MLLT3: variants seen among roughly 807,000 people sequenced by gnomAD.
The protein encoded by MLLT3 is MLLT3 super elongation complex subunit.
In MLLT3, 4 loss-of-function variants were observed where a neutral mutation model predicts 53.2. The observed-to-expected ratio is 0.08, with a 90% confidence interval of 0.04 to 0.17. MLLT3 has a LOEUF of 0.17. MLLT3 is among the 10% of genes least tolerant of loss of function. The probability of loss-of-function intolerance (pLI) is 1.00; values close to 1 mark genes in which losing one functional copy is unlikely to be tolerated. For missense variants in MLLT3, 569 were observed against 684.0 expected, an observed-to-expected ratio of 0.83 and a Z score of 1.87; for synonymous variants, 283 against 230.6, an observed-to-expected ratio of 1.23 and a Z score of -2.06.
intron 2 of MLLT3, among the ~76,000 whole-genome samples, chr9:20,534,808 C>T (rs1412173169): frequency 6.6e-6 from 1 of 152,054 alleles, no homozygotes; most frequent in Non-Finnish European, 1.5e-5. Context: ...ATGGCATGAA[C>T]CCAGGAGGCA....
chr9:20,368,323 A>G (rs1821508052), intron 5 of MLLT3, among the ~76,000 whole-genome samples: 2 of 152,146 alleles, frequency 1.3e-5, no homozygotes, highest in South Asian at 4.1e-4. Context: ...TTCCTCTCCA[A>G]GTTGCTCTTT....
At chr9:20,595,694 A>G (rs2131191306) in intron 2 of MLLT3, among the ~76,000 whole-genome samples, 1 of 152,358 alleles carries the variant, frequency 6.6e-6, no homozygotes, top group East Asian at 1.9e-4. Context: ...ATTGTAGCAC[A>G]TGACGTTTGA....
chr9:20,383,686 C>A (rs1206194029), intron 5 of MLLT3, among the ~76,000 whole-genome samples: 1 of 151,808 alleles, frequency 6.6e-6, no homozygotes, highest in African/African-American at 2.4e-5. Flanking sequence ...TGTCTGAGTC[C>A]ATTTGGCTTG....
chr9:20,375,610 C>CTT lies in MLLT3; in HGVS notation c.1126-9868_1126-9867dup, dbSNP rs1307638910. Among the ~76,000 whole-genome samples the CTT allele has an allele frequency of 5.5e-4, 52 of 94,828 alleles. 1 individual carries two copies. Among genetic ancestry groups the CTT allele is most frequent in the Non-Finnish European group, 7.3e-4 (42 of 57,600 alleles). 62.2% of individuals were successfully genotyped at this position (94,828 alleles called of 152,430 possible). A position where few individuals can be genotyped will look rare whatever the true frequency, so the allele number is the denominator to read the frequency against. Reference sequence around the variant, plus strand: ...TCAGTAATTTTTTTTTTTTTCTTTTCTTTTTTTTTTTTTTTGAGACAGAGT... The same window carrying CTT: ...TCAGTAATTTTTTTTTTTTTCTTTTCTTTTTTTTTTTTTTTTTGAGACAGAGT... On this transcript the variant is annotated intron_variant, in intron 5 of 10. Transcript: ENST00000380338.
intron 2 of MLLT3, among the ~76,000 whole-genome samples, chr9:20,548,926 C>A (rs1242847201): frequency 6.6e-6 from 1 of 151,938 alleles, no homozygotes; most frequent in Non-Finnish European, 1.5e-5. Flanking sequence ...CTGATCCTCC[C>A]ACTTTTGCCT....
chr9:20,356,008 T>C (rs1378328179), intron 8 of MLLT3, among the ~76,000 whole-genome samples: 1 of 152,150 alleles, frequency 6.6e-6, no homozygotes, highest in Non-Finnish European at 1.5e-5. Context: ...CCCAGCCTTA[T>C]TATTTAATAT....
intron 4 of MLLT3, among the ~76,000 whole-genome samples, chr9:20,432,251 G>T (rs1401372132): frequency 6.6e-6 from 1 of 152,154 alleles, no homozygotes; most frequent in Middle Eastern, 3.2e-3. Context: ...AATCAAGTAT[G>T]TGCTCAGTGA....
At chr9:20,435,140 C>A (rs1823370382) in intron 4 of MLLT3, among the ~76,000 whole-genome samples, 1 of 152,090 alleles carries the variant, frequency 6.6e-6, no homozygotes, top group Admixed American at 6.6e-5. Flanking sequence ...TGTCTGAGTA[C>A]CACAGCTTTT....
intron 3 of MLLT3, among the ~76,000 whole-genome samples, chr9:20,454,683 C>T (rs903929381): frequency 1.3e-5 from 2 of 152,116 alleles, no homozygotes; most frequent in African/African-American, 4.8e-5. Context: ...GAAATTAAAA[C>T]ACTGGCTATG....
intron 2 of MLLT3, among the ~76,000 whole-genome samples, chr9:20,605,294 T>C (rs1489368645): frequency 6.6e-6 from 1 of 152,142 alleles, no homozygotes; most frequent in African/African-American, 2.4e-5. Flanking sequence ...TTACTATCAA[T>C]GTATCTGAGA....
chr9:20,618,985 C>T (rs892393624), intron 2 of MLLT3, among the ~76,000 whole-genome samples: 1 of 152,058 alleles, frequency 6.6e-6, no homozygotes, highest in African/African-American at 2.4e-5. Flanking sequence ...TGAACTGCAG[C>T]CAAGTAGTAG....
chr9:20,506,455 G>A (rs1825383798), intron 2 of MLLT3, among the ~76,000 whole-genome samples: 1 of 151,806 alleles, frequency 6.6e-6, no homozygotes, highest in Non-Finnish European at 1.5e-5. Context: ...AGCCATAACC[G>A]TCAAGTAAAT....
chr9:20,519,185 G>C (rs893184662), intron 2 of MLLT3, among the ~76,000 whole-genome samples: 2 of 152,130 alleles, frequency 1.3e-5, no homozygotes, highest in East Asian at 3.9e-4. Context: ...ACAAAAAAAA[G>C]ATATTAGTAG....
intron 3 of MLLT3, among the ~76,000 whole-genome samples, chr9:20,453,179 T>A (rs919229503): frequency 6.6e-6 from 1 of 152,114 alleles, no homozygotes; most frequent in Non-Finnish European, 1.5e-5. Context: ...TAGTAACATA[T>A]AGAAAAGTAC....
At chr9:20,569,428 AAC>A (rs1288043243) in intron 2 of MLLT3, among the ~76,000 whole-genome samples, 3 of 152,238 alleles carry the variant, frequency 2.0e-5, no homozygotes, top group African/African-American at 4.8e-5. Context: ...CCTCTTTAAA[AAC>A]AGTTATAGCA....
intron 5 of MLLT3, among the ~76,000 whole-genome samples, chr9:20,380,929 A>G (rs1201423449): frequency 6.6e-6 from 1 of 152,014 alleles, no homozygotes; most frequent in African/African-American, 2.4e-5. Context: ...GATCTTCCTG[A>G]TGAACTGAGC....
intron 8 of MLLT3, among the ~76,000 whole-genome samples, chr9:20,355,716 CA>C (rs1219665704): frequency 6.6e-6 from 1 of 152,128 alleles, no homozygotes; most frequent in Admixed American, 6.5e-5. Flanking sequence ...TGTATAAACA[CA>C]AAAAGCAAAG....
chr9:20,525,585 T>C (rs1003574349), intron 2 of MLLT3, among the ~76,000 whole-genome samples: 5 of 152,212 alleles, frequency 3.3e-5, no homozygotes, highest in Admixed American at 3.3e-4. Flanking sequence ...ATTCCTCCTA[T>C]CAAATGTTAA....
intron 2 of MLLT3, among the ~76,000 whole-genome samples, chr9:20,492,558 C>CCA (rs1824975649): frequency 6.6e-6 from 1 of 151,674 alleles, no homozygotes; most frequent in African/African-American, 2.4e-5. Flanking sequence ...TCATTACTTC[C>CCA]CACACACATT....
Sources: allele counts gnomAD v4.1 joint callset (sites outside exome capture counted in the v4.1 genomes callset), GRCh38; gene constraint gnomAD v4.1.1; transcripts MANE v1.5; gene names NCBI Gene and HGNC (gene_info 2026-07-23, HGNC 2026-07-21).